IMMP2L: variants seen among roughly 807,000 people sequenced by gnomAD.
The protein encoded by IMMP2L is mitochondrial inner membrane protease subunit 2.
Under a neutral mutation model 19.3 loss-of-function variants are expected in IMMP2L, and 18 were observed. The observed-to-expected ratio is 0.93, with a 90% CI of 0.64 to 1.38. The LOEUF is 1.38. Ranked by LOEUF, IMMP2L falls within the 40% of genes most tolerant of loss-of-function variation. IMMP2L has a pLI of 0.00. For missense variants in IMMP2L, 233 were observed against 218.2 expected (o/e 1.07, Z -0.43); for synonymous variants, 76 against 73.0 (o/e 1.04, Z -0.21).
At chr7:110,741,550 G>A (rs564732929) in intron 5 of IMMP2L, among the ~76,000 whole-genome samples, 171 of 152,306 alleles carry the variant, frequency 1.1e-3, no homozygotes, top group African/African-American at 3.9e-3. Context: ...GGAGCAGAAA[G>A]CAAGCCCTCA....
At chr7:111,261,481 T>C (rs1191576311) in intron 3 of IMMP2L, among the ~76,000 whole-genome samples, 5 of 152,178 alleles carry the variant, frequency 3.3e-5, no homozygotes, top group Non-Finnish European at 7.3e-5. Context: ...GATTCAGGGC[T>C]TCATTCATTC....
At chr7:111,271,828 T>A (rs1464432709) in intron 3 of IMMP2L, among the ~76,000 whole-genome samples, 1 of 152,164 alleles carries the variant, frequency 6.6e-6, no homozygotes, top group South Asian at 2.1e-4. Flanking sequence ...GACACCACCA[T>A]GAAGCAAGTT....
chr7:111,054,891 G>C (rs991021892), intron 3 of IMMP2L, among the ~76,000 whole-genome samples: 3 of 152,126 alleles, frequency 2.0e-5, no homozygotes, highest in Admixed American at 1.3e-4. Context: ...TCCTAGTAAA[G>C]TTACAGGCTC....
chr7:110,687,295 C>T (rs1793184113), intron 5 of IMMP2L, among the ~76,000 whole-genome samples: 1 of 152,030 alleles, frequency 6.6e-6, no homozygotes, highest in Non-Finnish European at 1.5e-5. Context: ...CTCTCTTCTA[C>T]CCCCACTTCT....
Position 111,422,752 on chromosome 7 carries a change from A to G in IMMP2L, c.239+64486T>C, listed in dbSNP as rs971013544. Among the ~76,000 whole-genome samples, 6 of 151,742 alleles carry G rather than the reference A, an allele frequency of 4.0e-5. No homozygotes were observed. The East Asian group carries it at 1.2e-3, about 29-fold the overall frequency. ...TGCCCTGGCCAGAACTTCCAACACTACGTTGAATAGGAGTGGTGAGAGAGG... is the reference window on the plus strand; with the variant it reads ...TGCCCTGGCCAGAACTTCCAACACTGCGTTGAATAGGAGTGGTGAGAGAGG... On this transcript the variant is annotated intron_variant, in intron 3 of 5. Coordinates refer to ENST00000405709, the MANE Select transcript of IMMP2L (RefSeq NM_032549.4).
At chr7:111,395,742 A>C (rs1219819247) in intron 3 of IMMP2L, among the ~76,000 whole-genome samples, 2 of 152,124 alleles carry the variant, frequency 1.3e-5, no homozygotes, top group South Asian at 2.1e-4. Context: ...TTCTCAAAAA[A>C]ACTATTGGGC....
intron 1 of IMMP2L, among the ~76,000 whole-genome samples, chr7:111,543,703 T>C (rs974005428): frequency 1.4e-4 from 21 of 152,174 alleles, no homozygotes; most frequent in African/African-American, 5.1e-4. Flanking sequence ...TCAACACTAA[T>C]AGGATGTTAG....
chr7:111,127,083 C>A (rs1013821127), intron 3 of IMMP2L, among the ~76,000 whole-genome samples: 1 of 152,140 alleles, frequency 6.6e-6, no homozygotes, highest in Non-Finnish European at 1.5e-5. Context: ...GATTTTAACA[C>A]AACCAAAATA....
chr7:111,404,651 A>G (rs1375030441), intron 3 of IMMP2L, among the ~76,000 whole-genome samples: 2 of 152,158 alleles, frequency 1.3e-5, no homozygotes, highest in Non-Finnish European at 2.9e-5. Flanking sequence ...TTAAATTTGG[A>G]AAGGAATCAC....
At chr7:110,851,732 A>G (rs915162605) in intron 5 of IMMP2L, among the ~76,000 whole-genome samples, 6 of 152,146 alleles carry the variant, frequency 3.9e-5, no homozygotes, top group Admixed American at 2.0e-4. Flanking sequence ...TTGTTATCTG[A>G]AAAATTCTTA....
At chr7:111,557,610 C>CAG in intron 1 of IMMP2L, among the ~76,000 whole-genome samples, 1 of 152,270 alleles carries the variant, frequency 6.6e-6, no homozygotes, top group Middle Eastern at 3.4e-3. Flanking sequence ...GTATTGCAGG[C>CAG]AGAGATCAAG....
chr7:110,925,161 T>C (rs755691346), intron 4 of IMMP2L, among the ~76,000 whole-genome samples: 7 of 152,156 alleles, frequency 4.6e-5, no homozygotes, highest in Non-Finnish European at 7.4e-5. Context: ...TATATGGATA[T>C]AGAAATATGG....
At chr7:111,360,628 G>A (rs554527939) in intron 3 of IMMP2L, among the ~76,000 whole-genome samples, 184 of 152,082 alleles carry the variant, frequency 1.2e-3, no homozygotes, top group Non-Finnish European at 2.0e-3. Context: ...GACCAGCCTG[G>A]GCAACATAGC....
At chr7:111,156,854 G>T (rs1804697620) in intron 3 of IMMP2L, among the ~76,000 whole-genome samples, 1 of 151,090 alleles carries the variant, frequency 6.6e-6, no homozygotes, top group Admixed American at 6.6e-5. Flanking sequence ...TCTGTGAGGA[G>T]GTTTTTATTT....
chr7:111,381,332 C>T (rs894089260), intron 3 of IMMP2L, among the ~76,000 whole-genome samples: 1 of 151,852 alleles, frequency 6.6e-6, no homozygotes, highest in Non-Finnish European at 1.5e-5. Context: ...CTGCTAGCAG[C>T]GTAGAGCTAC....
rs1304237803 is a variant in IMMP2L, at chr7:110,760,094, A to G, written c.409-96373T>C. On this transcript the variant is annotated intron_variant, in intron 5 of 5. Transcript: ENST00000405709. The surrounding 1 kb of genome is among the most constrained non-coding windows in gnomAD (Gnocchi z 4.2). ...AGACATCTGTGCTTTGTCATCACAA[A>G]AGAAAACCGTTTTATTTTTCTAATT... 6.6e-6 allele frequency among the ~76,000 whole-genome samples: 1 copy of G among 152,082 alleles called. No homozygotes were observed. The highest frequency in any genetic ancestry group is 1.5e-5 in the Non-Finnish European group (1 of 68,012).
At chr7:111,217,122 T>TCA (rs1333152322) in intron 3 of IMMP2L, among the ~76,000 whole-genome samples, 6,576 of 140,180 alleles carry the variant, frequency 0.047, 189 homozygotes, top group South Asian at 0.08. Context: ...TCTCTCTCTC[T>TCA]CTCTCACACA....
chr7:111,112,092 C>T (rs192743656), intron 3 of IMMP2L, among the ~76,000 whole-genome samples: 143 of 151,318 alleles, frequency 9.5e-4, no homozygotes, highest in African/African-American at 3.3e-3. Flanking sequence ...GGTTTACAGG[C>T]GCATGCCACC....
chr7:111,240,325 T>G, intron 3 of IMMP2L, among the ~76,000 whole-genome samples: 1 of 151,972 alleles, frequency 6.6e-6, no homozygotes, highest in Non-Finnish European at 1.5e-5. Context: ...CTTATTTAAG[T>G]TTGATTCAGA....
Sources: allele counts gnomAD v4.1 joint callset (sites outside exome capture counted in the v4.1 genomes callset), GRCh38; gene constraint gnomAD v4.1.1; non-coding constraint Gnocchi (gnomAD v3.1); transcripts MANE v1.5; gene names NCBI Gene and HGNC (gene_info 2026-07-23, HGNC 2026-07-21).